Variants in DHX34 observed in about 807,000 individuals in gnomAD.
DHX34 encodes DExH-box helicase 34.
A neutral mutation model predicts 111.1 loss-of-function variants in DHX34; 96 were observed. The observed-to-expected ratio is 0.86, with a 90% CI of 0.73 to 1.02. The LOEUF is 1.02. Ranked by LOEUF, DHX34 falls within the 50% of genes least tolerant of loss-of-function variation. The pLI is 0.00. For synonymous variants in DHX34, 688 were observed against 670.4 expected (o/e 1.03, Z -0.41); for missense variants, 1,560 against 1,579.9 (o/e 0.99, Z 0.21).
At chr19:47,372,327 G>A (rs773510961) in intron 7 of DHX34, among the ~76,000 whole-genome samples, 52 of 152,076 alleles carry the variant, frequency 3.4e-4, no homozygotes, top group Non-Finnish European at 4.7e-4. Flanking sequence ...ACTCTAGCGC[G>A]GAGGAGAGAC....
Position 47,376,576 on chromosome 19 carries a change from G to A in DHX34, c.2599+16G>A, listed in dbSNP as rs1456733526. 1.9e-6 allele frequency: 3 copies of A among 1,549,984 alleles called. No homozygotes were observed. The highest frequency in any genetic ancestry group is 2.7e-5 in the African/African-American group (2 of 73,098). On this transcript the variant is annotated intron_variant, in intron 12 of 16. Transcript: ENST00000328771. ...GGAAGCCGAGGTACAGTGAGCCCAGGCGGAAGGAACCCCCATCCGGGATGT... is the reference window on the plus strand; with the variant it reads ...GGAAGCCGAGGTACAGTGAGCCCAGACGGAAGGAACCCCCATCCGGGATGT...
rs200159675 is a variant in DHX34, at chr19:47,379,728, C to T, written c.2725C>T (p.Arg909Trp). The T allele has an allele frequency of 1.4e-5, 22 of 1,598,682 alleles. No individual in the cohort carries two copies. Among genetic ancestry groups the T allele is most frequent in the Middle Eastern group, 1.7e-4 (1 of 5,948 alleles). ...CTTTCAGTCCCTCCTGCTTTTTAGC[C>T]GGTCTTTGGACACCAATGGTGACTG... is the stretch of plus-strand genomic sequence containing the variant. ...PALQSLLLFS[R>W]SLDTNGDCSR... Residue 909 changes from arginine (R) to tryptophan (W), a missense_variant, in exon 14 of 17, where the codon CGG (arginine) becomes TGG (tryptophan). Coordinates refer to ENST00000328771, the MANE Select transcript of DHX34 (RefSeq NM_014681.6).
At chr19:47,350,382 T>C (rs1599747755) in intron 1 of DHX34, among the ~76,000 whole-genome samples, 1 of 151,808 alleles carries the variant, frequency 6.6e-6, no homozygotes, top group Admixed American at 6.6e-5. Context: ...TCAGGCTGGG[T>C]GACAGAGTGA....
intron 7 of DHX34, among the ~76,000 whole-genome samples, chr19:47,370,756 A>AACCTCC (rs1344906912): frequency 6.6e-6 from 1 of 152,116 alleles, no homozygotes; most frequent in African/African-American, 2.4e-5. Context: ...GGCTCACTGC[A>AACCTCC]ACCTCCACCT....
rs751900681 is a variant in DHX34 at position 47,362,624 on chromosome 19, C to G, written c.1524C>G (p.Asp508Glu). Reference protein sequence around the residue: ...GVCFRLYAESDYDAFAPYPVP... With the variant: ...GVCFRLYAESEYDAFAPYPVP... ...GCTTCCGCCTCTATGCCGAATCGGA[C>G]TATGATGCCTTCGCCCCCTACCCCG... Residue 508 changes from aspartate to glutamate, a missense_variant, in exon 6 of 17, where the codon GAC becomes GAG. Physicochemically the swap from Asp to Glu is conservative, Grantham distance 45. Transcript: ENST00000328771. The G allele has an allele frequency of 1.2e-6, 2 of 1,613,912 alleles. No individual in the cohort carries two copies. The highest frequency in any genetic ancestry group is 1.7e-6 in the Non-Finnish European group (2 of 1,180,000).
intron 1 of DHX34, among the ~76,000 whole-genome samples, chr19:47,351,515 C>T (rs1969286483): frequency 6.6e-6 from 1 of 152,178 alleles, no homozygotes; most frequent in Non-Finnish European, 1.5e-5. Context: ...TTCTCTTCCT[C>T]TCCCTCTTTC....
chr19:47,355,116 G>T lies in DHX34; in HGVS notation c.783G>T (p.Leu261=), dbSNP rs776457520. ...KIVFLTVGLL[L]RQIQREPSLP... ...TATTCCTGACAGTGGGGCTGCTCCTGCGACAAATCCAGCGGGAACCCAGCC... is the reference window on the plus strand; with the variant it reads ...TATTCCTGACAGTGGGGCTGCTCCTTCGACAAATCCAGCGGGAACCCAGCC... Residue 261 remains leucine (L), a synonymous_variant, in exon 3 of 17, where the codon CTG becomes CTT. Coordinates refer to ENST00000328771, the MANE Select transcript of DHX34 (RefSeq NM_014681.6). 3.7e-6 allele frequency: 6 copies of T among 1,613,768 alleles called. No homozygotes were observed. The highest frequency in any genetic ancestry group is 5.1e-6 in the Non-Finnish European group (6 of 1,179,968).
intron 13 of DHX34, among the ~76,000 whole-genome samples, chr19:47,379,342 C>T (rs1366862939): frequency 6.6e-6 from 1 of 152,074 alleles, no homozygotes; most frequent in African/African-American, 2.4e-5. Flanking sequence ...CTGGTAATTA[C>T]AGCGCTGACT....
Position 47,381,127 on chromosome 19 carries a change from C to A in DHX34, c.3160-59C>A. On this transcript the variant is annotated intron_variant, in intron 15 of 16. Coordinates refer to ENST00000328771, the MANE Select transcript of DHX34 (RefSeq NM_014681.6). The stretch of plus-strand genomic sequence containing the variant: ...GCTTCTGGGAAGGGTCCCGGGGGGG[C>A]ACTTGGGTGGTGGGTGGCACTTGGC... 4.4e-6 allele frequency: 7 copies of A among 1,602,158 alleles called. No homozygotes were observed. In the South Asian group the frequency reaches 6.6e-5, roughly 15 times the overall value.
In DHX34 at chr19:47,353,224, A is replaced by G. The variant is rs1466327552; in HGVS notation, c.194A>G (p.Glu65Gly). Reference sequence around the variant, plus strand: ...TGTCAGAAGTTTTGGACCTTCTTTGAACGCCTGCAGAGATTCCAGAATCTC... The same window carrying G: ...TGTCAGAAGTTTTGGACCTTCTTTGGACGCCTGCAGAGATTCCAGAATCTC... ...EECQKFWTFFERLQRFQNLKT... is the reference protein window; with the variant it reads ...EECQKFWTFFGRLQRFQNLKT... Residue 65 changes from glutamate (E) to glycine (G), a missense_variant, in exon 2 of 17, where the codon GAA becomes GGA. Transcript: ENST00000328771. The surrounding 1 kb of genome is among the most constrained non-coding windows in gnomAD (Gnocchi z 4.6). 1.2e-6 allele frequency: 2 copies of G among 1,614,030 alleles called. No individual in the cohort carries two copies. The highest frequency in any genetic ancestry group is 1.7e-6 in the Non-Finnish European group (2 of 1,180,024).
chr19:47,349,698 C>T (rs1044837200), intron 1 of DHX34, among the ~76,000 whole-genome samples: 1 of 152,014 alleles, frequency 6.6e-6, no homozygotes. Flanking sequence ...GTCTTAGAGC[C>T]CACGAGGCCG....
At chr19:47,355,444 C>T (rs1969429985) in intron 3 of DHX34, 94 bp downstream of exon 3, 1 of 1,491,740 alleles carries the variant, frequency 6.7e-7, no homozygotes. Context: ...CTGTATCTCC[C>T]ATCTCTTTCA....
chr19:47,376,591 A>T (rs1038127024), intron 12 of DHX34, 31 bp downstream of exon 12: 2 of 1,546,396 alleles, frequency 1.3e-6, no homozygotes, highest in African/African-American at 2.7e-5. Context: ...AGGAACCCCC[A>T]TCCGGGATGT....
chr19:47,366,898 T>A (rs1260902388), intron 6 of DHX34, 83 bp from the exon 7 acceptor site: 1 of 1,418,350 alleles, frequency 7.1e-7, no homozygotes, highest in African/African-American at 1.5e-5. Context: ...TAAAACGTCA[T>A]GAATTTGTGA....
At chr19:47,351,260 GCT>G (rs1969280037) in intron 1 of DHX34, among the ~76,000 whole-genome samples, 1 of 138,946 alleles carries the variant, frequency 7.2e-6, no homozygotes, top group Non-Finnish European at 1.5e-5. Context: ...CTTCCTGCAA[GCT>G]CTGCCTCCAG....
At position 47,380,783 on chromosome 19, in the gene DHX34, G is replaced by C. The variant is rs200789207; in HGVS notation, c.2983-33G>C. On this transcript the variant is annotated intron_variant, in intron 14 of 16. Coordinates refer to ENST00000328771, the MANE Select transcript of DHX34 (RefSeq NM_014681.6). ...GCTTTGGCGGCATCTCCCTGAGTCT[G>C]TCTCTCTCCATTTCCTGTCTCTCCT... is the stretch of plus-strand genomic sequence containing the variant. 1.9e-4 allele frequency: 314 copies of C among 1,612,682 alleles called. 1 individual carries two copies. The African/African-American group carries it at 3.5e-3, about 18-fold the overall frequency.
At chr19:47,370,019 G>A (rs931601704) in intron 7 of DHX34, among the ~76,000 whole-genome samples, 1 of 152,038 alleles carries the variant, frequency 6.6e-6, no homozygotes, top group African/African-American at 2.4e-5. Flanking sequence ...AGGGATTTGG[G>A]GCCAGCAGAC....
rs1376409100 is a variant in DHX34 at position 47,380,903 on chromosome 19, C to T, written c.3070C>T (p.Pro1024Ser). The T allele has an allele frequency of 3.1e-6, 5 of 1,613,506 alleles. No individual in the cohort carries two copies. Among genetic ancestry groups the T allele is most frequent in the Non-Finnish European group, 4.2e-6 (5 of 1,179,668 alleles). ...GACCATCCCAGCCACCCCCCATCTT[C>T]CTGGCCTCTTTGGCAGCTCCACCCT... ...PQTIPATPHL[P>S]GLFGSSTLSP... Residue 1024 changes from proline to serine, a missense_variant, in exon 15 of 17, where the codon CCT becomes TCT. Coordinates refer to ENST00000328771, the MANE Select transcript of DHX34 (RefSeq NM_014681.6).
rs749202413 is a variant in DHX34 at position 47,376,056 on chromosome 19, G to A, written c.2440G>A (p.Val814Ile). 23 of 1,582,838 alleles carry A rather than the reference G, an allele frequency of 1.5e-5. No homozygotes were observed. The highest frequency in any genetic ancestry group is 3.4e-5 in the South Asian group (3 of 88,382). The change falls in exon 11 of 17, where the codon GTC (valine) becomes ATC (isoleucine). Residue 814 changes from valine to isoleucine, a missense_variant. Transcript: ENST00000328771. ...CCGGGGCCTGTACCCACAGCTGGCCGTCCCCGACGCCTTCAACAGCAGCCG... is the reference window on the plus strand; with the variant it reads ...CCGGGGCCTGTACCCACAGCTGGCCATCCCCGACGCCTTCAACAGCAGCCG... ...LGRGLYPQLAVPDAFNSSRKD... is the reference protein window; with the variant it reads ...LGRGLYPQLAIPDAFNSSRKD...
Sources: allele counts gnomAD v4.1 joint callset (sites outside exome capture counted in the v4.1 genomes callset), GRCh38; gene constraint gnomAD v4.1.1; non-coding constraint Gnocchi (gnomAD v3.1); transcripts MANE v1.5; gene names NCBI Gene and HGNC (gene_info 2026-07-23, HGNC 2026-07-21).